PRX: variants seen among roughly 807,000 people sequenced by gnomAD.
PRX encodes periaxin.
Under a neutral mutation model 29.6 loss-of-function variants are expected in PRX, and 24 were observed. That is an observed-to-expected ratio of 0.81 (90% CI 0.59 to 1.14). The LOEUF (loss-of-function observed/expected upper bound fraction) is 1.14, where lower values mean the gene tolerates loss of function less well. PRX is among the 50% of genes most tolerant of loss of function. The pLI, the probability that PRX is intolerant of heterozygous loss-of-function variation, is 0.00. For missense variants in PRX, 1,838 were observed against 1,926.4 expected, an observed-to-expected ratio of 0.95 and a Z score of 0.86; for synonymous variants, 772 against 831.7, an observed-to-expected ratio of 0.93 and a Z score of 1.24.
rs1317002311 is a variant in PRX at position 40,394,216 on chromosome 19, G to A, written c.4136C>T (p.Pro1379Leu). Reference protein sequence around the residue: ...GRRGRVRVRLPRVGLAAPSKA... With the variant: ...GRRGRVRVRLLRVGLAAPSKA... ...AGAAGGGGCCGCCAGGCCTACACGT[G>A]GCAAGCGGACCCGGACCCGGCCCCG... Residue 1379 changes from proline (P) to leucine (L), a missense_variant, in exon 7 of 7, where the codon CCA becomes CTA. Transcript: ENST00000324001. This position sits in a 1 kb window ranked among gnomAD's most constrained non-coding sequence, Gnocchi z 5.8. 1 of 1,598,908 alleles carries A rather than the reference G, an allele frequency of 6.3e-7. No individual in the cohort carries two copies. Among genetic ancestry groups the A allele is most frequent in the Non-Finnish European group, 8.5e-7 (1 of 1,169,708 alleles).
chr19:40,397,657 G>A lies in PRX; in HGVS notation c.695C>T (p.Pro232Leu). The stretch of plus-strand genomic sequence containing the variant: ...CCGCGGCCCAACCAGCTCCACCTGA[G>A]GGGCTGTGAAACGAGCTCCTGCAGC... ...EVAAGARFTAPQVELVGPRLP... is the reference protein window; with the variant it reads ...EVAAGARFTALQVELVGPRLP... The change falls in exon 7 of 7, where the codon CCT (proline) becomes CTT (leucine). Residue 232 changes from proline (P) to leucine (L), a missense_variant. Around this residue, in one of 3 missense-constraint regions of PRX, gnomAD observed 666 missense variants for 665.0 expected, o/e 1.00. Transcript: ENST00000324001. 6.4e-7 allele frequency: 1 copy of A among 1,550,970 alleles called. No homozygotes were observed. The highest frequency in any genetic ancestry group is 1.2e-5 in the South Asian group (1 of 85,004).
Position 40,397,710 on chromosome 19 carries a change from G to C in PRX, c.642C>G (p.Pro214=), listed in dbSNP as rs551628239. The C allele has an allele frequency of 8.3e-6, 13 of 1,561,428 alleles. No individual in the cohort carries two copies. The highest frequency in any genetic ancestry group is 1.2e-5 in the South Asian group (1 of 85,620). ...CCTCAGCCTCCACCTTGGCTTTCCTGGGGGGAGGAGCGGCGGCGGCCAGCC... is the reference window on the plus strand; with the variant it reads ...CCTCAGCCTCCACCTTGGCTTTCCTCGGGGGAGGAGCGGCGGCGGCCAGCC... ...AARLAAAAPP[P]RKAKVEAEVA... is the part of the protein sequence containing the mutation. The change falls in exon 7 of 7, where the codon CCC becomes CCG. Residue 214 remains proline (P), a synonymous_variant. Coordinates refer to ENST00000324001, the MANE Select transcript of PRX (RefSeq NM_181882.3).
rs72256185 is a variant in PRX, at chr19:40,407,212, T to TTGTGTGTG, written c.27+686_27+693dup. ...TCCTTAACTCCTACATTATATGCCCTTGTGTGTGTGTGTGTGTGTGTGTGT... is the reference window on the plus strand; with the variant it reads ...TCCTTAACTCCTACATTATATGCCCTTGTGTGTGTGTGTGTGTGTGTGTGTGTGTGTGT... On this transcript the variant is annotated intron_variant, in intron 4 of 6. Coordinates refer to ENST00000324001, the MANE Select transcript of PRX (RefSeq NM_181882.3). Among the ~76,000 whole-genome samples the TTGTGTGTG allele has an allele frequency of 4.1e-3, 554 of 133,868 alleles. 3 individuals carry two copies. The highest frequency in any genetic ancestry group is 0.011 in the Admixed American group (148 of 12,970). The allele number at this position is 133,868 out of a possible 152,430, so 87.8% of individuals were successfully genotyped here. A position where few individuals can be genotyped will look rare whatever the true frequency, so the allele number is the denominator to read the frequency against.
chr19:40,397,737 G>T lies in PRX; in HGVS notation c.615C>A (p.Ala205=). The change falls in exon 7 of 7, where the codon GCC becomes GCA. Residue 205 remains alanine, a synonymous_variant. Transcript: ENST00000324001. The part of the protein sequence containing the change: ...VREVAEEAQA[A]RLAAAAPPPR... ...GGGGAGGAGCGGCGGCGGCCAGCCG[G>T]GCTGCCTGAGCCTCTTCGGCCACTT... 1 of 1,562,274 alleles carries T rather than the reference G, an allele frequency of 6.4e-7. No homozygotes were observed.
chr19:40,406,957 A>C (rs1031229235), intron 4 of PRX, among the ~76,000 whole-genome samples: 1 of 151,834 alleles, frequency 6.6e-6, no homozygotes, highest in Admixed American at 6.6e-5. Flanking sequence ...TATTTTTAGC[A>C]GAGATGGGGT....
At chr19:40,406,985 G>T (rs2079533960) in intron 4 of PRX, among the ~76,000 whole-genome samples, 1 of 151,970 alleles carries the variant, frequency 6.6e-6, no homozygotes, top group East Asian at 1.9e-4. Flanking sequence ...TATTGGCCAG[G>T]CTGGTCCCGA....
In PRX at chr19:40,398,900, C is replaced by A; in HGVS notation, c.185-84G>T. The A allele has an allele frequency of 3.8e-6, 6 of 1,593,246 alleles. No individual in the cohort carries two copies. The South Asian group carries it at 4.5e-5, about 12-fold the overall frequency. On this transcript the variant is annotated intron_variant, in intron 5 of 6. Transcript: ENST00000324001. This position sits in a 1 kb window ranked among gnomAD's most constrained non-coding sequence, Gnocchi z 6.3. ...GTTCTGCCCACTTGCACGGAGCCCT[C>A]GCGGTGAGGACCCGCCCCAAATTTT...
Position 40,393,874 on chromosome 19 carries a change from G to A in PRX, c.*92C>T. On this transcript the variant is annotated 3_prime_UTR_variant, in exon 7 of 7. Coordinates refer to ENST00000324001, the MANE Select transcript of PRX (RefSeq NM_181882.3). ...GCCCTGGTCAGTCACCCACCTCCCG[G>A]CCCTCTTAGGGTTAGTGCTAGTTAT... 6.3e-7 allele frequency: 1 copy of A among 1,584,982 alleles called. No individual in the cohort carries two copies.
chr19:40,402,210 C>T (rs530305495), intron 5 of PRX, among the ~76,000 whole-genome samples: 40 of 151,004 alleles, frequency 2.6e-4, no homozygotes, highest in Non-Finnish European at 4.3e-4. Context: ...AAAAATTAGC[C>T]GGGCATGGTG....
intron 5 of PRX, among the ~76,000 whole-genome samples, chr19:40,399,897 T>TTCTTTCTTTCTC (rs2079479981): frequency 1.5e-5 from 1 of 65,348 alleles, no homozygotes; most frequent in Admixed American, 1.5e-4. Flanking sequence ...CTTTCTTTCT[T>TTCTTTCTTTCTC]TCTTTCTTTT....
In PRX at chr19:40,394,543, C is replaced by T. The variant is rs775221457; in HGVS notation, c.3809G>A (p.Arg1270His). Residue 1270 changes from arginine to histidine, a missense_variant, in exon 7 of 7, where the codon CGT becomes CAT. By Grantham distance (29) the Arg-to-His change is conservative. This residue lies in a region of PRX where 1,143 missense variants were observed against 1,193.0 expected (regional missense o/e 0.96). Transcript: ENST00000324001. The surrounding 1 kb of genome is among the most constrained non-coding windows in gnomAD (Gnocchi z 5.8). ...GAEEQPPGAERTFCLSLPDVE... is the reference protein window; with the variant it reads ...GAEEQPPGAEHTFCLSLPDVE... The stretch of plus-strand genomic sequence containing the variant: ...GTCGGGCAGTGAGAGGCAGAAGGTA[C>T]GCTCGGCCCCTGGGGGCTGCTCCTC... 49 of 1,604,106 alleles carry T rather than the reference C, an allele frequency of 3.1e-5. No homozygotes were observed. The highest frequency in any genetic ancestry group is 8.0e-5 in the African/African-American group (6 of 74,658).
At chr19:40,410,672 A>C (rs1321638232) in intron 1 of PRX, among the ~76,000 whole-genome samples, 1 of 152,150 alleles carries the variant, frequency 6.6e-6, no homozygotes, top group Non-Finnish European at 1.5e-5. Flanking sequence ...GGGGTTCGAG[A>C]CCAGTCTGGC....
In PRX at chr19:40,397,721, C is replaced by T. The variant is rs112973322; in HGVS notation, c.631G>A (p.Ala211Thr). 5.2e-5 allele frequency: 81 copies of T among 1,559,324 alleles called. 1 individual carries two copies. In the African/African-American group the frequency reaches 8.7e-4, roughly 17 times the overall value. The stretch of plus-strand genomic sequence containing the variant: ...ACCTTGGCTTTCCTGGGGGGAGGAG[C>T]GGCGGCGGCCAGCCGGGCTGCCTGA... ...EAQAARLAAA[A>T]PPPRKAKVEA... Residue 211 changes from alanine (A) to threonine (T), a missense_variant, in exon 7 of 7, where the codon GCT becomes ACT. Physicochemically the swap from Ala to Thr is moderately conservative, Grantham distance 58. Transcript: ENST00000324001.
intron 5 of PRX, among the ~76,000 whole-genome samples, chr19:40,403,143 C>T (rs964340096): frequency 1.3e-5 from 2 of 152,326 alleles, no homozygotes; most frequent in African/African-American, 4.8e-5. Context: ...GCACTCCAGC[C>T]TGGGCAACAA....
rs752192677 is a variant in PRX at position 40,398,770 on chromosome 19, G to A, written c.231C>T (p.Tyr77=). The A allele has an allele frequency of 5.0e-6, 8 of 1,613,974 alleles. No homozygotes were observed. In the East Asian group the frequency reaches 6.7e-5, roughly 13 times the overall value. Residue 77 remains tyrosine, a synonymous_variant, in exon 6 of 7, where the codon TAC becomes TAT. Transcript: ENST00000324001. The surrounding 1 kb of genome is among the most constrained non-coding windows in gnomAD (Gnocchi z 6.3). The part of the protein sequence containing the change: ...SARVFFENFK[Y]EDALRLLQCA... ...ATTGCAGCAGGCGTAGTGCGTCCTC[G>A]TACTTGAAGTTCTCGAAGAACACTC...
rs754692947 is a variant in PRX, at chr19:40,394,427, G to A, written c.3925C>T (p.Pro1309Ser). The A allele has an allele frequency of 1.2e-6, 2 of 1,600,970 alleles. No individual in the cohort carries two copies. Among genetic ancestry groups the A allele is most frequent in the Admixed American group, 1.7e-5 (1 of 58,620 alleles). ...EAGHKLKVRL[P>S]RFGLVRAKEG... ...TTGGCCCGCACCAGGCCAAACCGGG[G>A]CAGCCGTACCTTGAGCTTGTGTCCG... is the stretch of plus-strand genomic sequence containing the variant. The change falls in exon 7 of 7, where the codon CCC becomes TCC. Residue 1309 changes from proline (P) to serine (S), a missense_variant. Around this residue, in one of 3 missense-constraint regions of PRX, gnomAD observed 1,143 missense variants for 1,193.0 expected, o/e 0.96. Transcript: ENST00000324001. This position sits in a 1 kb window ranked among gnomAD's most constrained non-coding sequence, Gnocchi z 5.8.
At position 40,398,878 on chromosome 19, in the gene PRX, C is replaced by A; in HGVS notation, c.185-62G>T. 6.2e-7 allele frequency: 1 copy of A among 1,611,188 alleles called. No individual in the cohort carries two copies. The highest frequency in any genetic ancestry group is 2.2e-5 in the East Asian group (1 of 44,762). The stretch of plus-strand genomic sequence containing the variant: ...CTCCCGGCTCCGCCCGGGCCTAGTT[C>A]TGCCCACTTGCACGGAGCCCTCGCG... On this transcript the variant is annotated intron_variant, in intron 5 of 6. Transcript: ENST00000324001. This position sits in a 1 kb window ranked among gnomAD's most constrained non-coding sequence, Gnocchi z 6.3.
chr19:40,414,511 C>T (rs2079572500), upstream of PRX, among the ~76,000 whole-genome samples: 1 of 152,172 alleles, frequency 6.6e-6, no homozygotes, highest in Non-Finnish European at 1.5e-5. Context: ...CTGCTACACT[C>T]TTCTGCCCCT....
In PRX at chr19:40,393,818, G is replaced by T; in HGVS notation, c.*148C>A. 1 of 1,243,030 alleles carries T rather than the reference G, an allele frequency of 8.0e-7. No individual in the cohort carries two copies. Among genetic ancestry groups the T allele is most frequent in the Admixed American group, 2.0e-5 (1 of 49,992 alleles). 77.0% of individuals were successfully genotyped at this position (1,243,030 alleles called of 1,614,324 possible). A position where few individuals can be genotyped will look rare whatever the true frequency, so the allele number is the denominator to read the frequency against. On this transcript the variant is annotated 3_prime_UTR_variant, in exon 7 of 7. Transcript: ENST00000324001. ...GGCTTGGTGGGGTACAGGCACTCCT[G>T]CCAGAGAGACAGGAGCAGGCCTCCC...
Sources: allele counts gnomAD v4.1 joint callset (sites outside exome capture counted in the v4.1 genomes callset), GRCh38; gene constraint gnomAD v4.1.1; regional missense constraint gnomAD v4.1.1; non-coding constraint Gnocchi (gnomAD v3.1); transcripts MANE v1.5; gene names NCBI Gene and HGNC (gene_info 2026-07-23, HGNC 2026-07-21).